The following ANPEP variants were observed in gnomAD, a reference collection of about 807,000 sequenced individuals.
ANPEP encodes alanyl aminopeptidase, membrane.
ANPEP carries 70 observed loss-of-function variants against 114.6 expected under a neutral mutation model. The ratio of observed to expected loss-of-function variants is 0.61; its 90% CI spans 0.50 to 0.75. The LOEUF (loss-of-function observed/expected upper bound fraction) is 0.75. Among genes scored for constraint, ANPEP ranks in the 30% least tolerant of loss-of-function variants. The probability of loss-of-function intolerance (pLI) is 0.00; values close to 1 mark genes in which losing one functional copy is unlikely to be tolerated. For synonymous variants in ANPEP, 548 were observed against 522.3 expected, an observed-to-expected ratio of 1.05 and a Z score of -0.67; for missense variants, 1,184 against 1,259.5, an observed-to-expected ratio of 0.94 and a Z score of 0.91.
At chr15:89,792,603 T>TCCAG (rs769096484) in intron 16 of ANPEP, 41 bp from the exon 17 acceptor site, 127 of 1,564,178 alleles carry the variant, frequency 8.1e-5, no homozygotes, top group Non-Finnish European at 1.1e-4. Flanking sequence ...CCTGGCGAAC[T>TCCAG]CCAGCCAAGA....
chr15:89,786,385 A>ACTTT (rs1968507271), intron 20 of ANPEP, among the ~76,000 whole-genome samples: 1 of 86,466 alleles, frequency 1.2e-5, no homozygotes, highest in African/African-American at 7.6e-5. Flanking sequence ...AATTTTAACT[A>ACTTT]CTTTTTTTTT....
Position 89,785,452 on chromosome 15 carries a change from G to C in ANPEP, c.2801C>G (p.Thr934Ser). The C allele has an allele frequency of 6.2e-7, 1 of 1,614,110 alleles. No individual in the cohort carries two copies. ...CTCCAGGGCTTGCTCCAGGGCCCGG[G>C]TGCCTGAGCCGAAGCCTGTTTCCTC... is the stretch of plus-strand genomic sequence containing the variant. ...DNEETGFGSG[T>S]RALEQALEKT... The change falls in exon 21 of 21, where the codon ACC (threonine) becomes AGC (serine). Residue 934 changes from threonine (T) to serine (S), a missense_variant. By Grantham distance (58) the Thr-to-Ser change is moderately conservative. Transcript: ENST00000300060.
rs755720296 is a variant in ANPEP, at chr15:89,806,401, C to CGAGGCGGGGTTGGTGGTGGCT, written c.162_182dup (p.Asn58_Thr64dup). ...CTTTACTTTGGTCCAAGGTGGTGGC[C>CGAGGCGGGGTTGGTGGTGGCT]GAGGCGGGGTTGGTGGTGGCTGAGG... is the stretch of plus-strand genomic sequence containing the variant. On this transcript the variant is annotated inframe_insertion, in exon 2 of 21. Coordinates refer to ENST00000300060, the MANE Select transcript of ANPEP (RefSeq NM_001150.3). This position sits in a 1 kb window ranked among gnomAD's most constrained non-coding sequence, Gnocchi z 5.7. 8.7e-6 allele frequency: 14 copies of CGAGGCGGGGTTGGTGGTGGCT among 1,613,956 alleles called. No homozygotes were observed. Among genetic ancestry groups the CGAGGCGGGGTTGGTGGTGGCT allele is most frequent in the East Asian group, 2.2e-5 (1 of 44,882 alleles).
At position 89,785,146 on chromosome 15, in the gene ANPEP, C is replaced by A; in HGVS notation, c.*203G>T. The A allele has an allele frequency of 1.6e-6, 1 of 635,470 alleles. No homozygotes were observed. The highest frequency in any genetic ancestry group is 2.6e-6 in the Non-Finnish European group (1 of 379,342). The allele number at this position is 635,470 out of a possible 1,614,324, so 39.4% of individuals were successfully genotyped here. ...CCTAGGGCGGGGTTGGCATGAGGGG[C>A]AGGGGCTGGGAGGTGCTCAGGCAGC... On this transcript the variant is annotated 3_prime_UTR_variant, in exon 21 of 21. Transcript: ENST00000300060.
Position 89,790,990 on chromosome 15 carries a change from C to T in ANPEP, c.2632G>A (p.Asp878Asn), listed in dbSNP as rs1353143276. Residue 878 changes from aspartate to asparagine, a missense_variant, in exon 19 of 21, where the codon GAC becomes AAC. Asp to Asn is a conservative substitution (Grantham distance 23). Transcript: ENST00000300060. The stretch of plus-strand genomic sequence containing the variant: ...TTCTTCCAGTTGCTCTGGACAAAGT[C>T]CCAGACCAGACCTTGCCCAATGACG... ...NNVIGQGLVWDFVQSNWKKLF... is the reference protein window; with the variant it reads ...NNVIGQGLVWNFVQSNWKKLF... 7.4e-6 allele frequency: 12 copies of T among 1,614,196 alleles called. No homozygotes were observed. The highest frequency in any genetic ancestry group is 1.7e-5 in the Admixed American group (1 of 60,020).
At chr15:89,814,310 G>A (rs1226229474) in intron 1 of ANPEP, among the ~76,000 whole-genome samples, 1 of 152,192 alleles carries the variant, frequency 6.6e-6, no homozygotes, top group Admixed American at 6.5e-5. Context: ...GTTAAAGAAA[G>A]GGCCTCTGAG....
At position 89,804,486 on chromosome 15, in the gene ANPEP, C is replaced by A; in HGVS notation, c.1024+5G>T. On this transcript the variant is annotated splice_donor_5th_base_variant and intron_variant, in intron 5 of 20. Coordinates refer to ENST00000300060, the MANE Select transcript of ANPEP (RefSeq NM_001150.3). ...CTGCCTCCCTCCTCAAGGACCCCCACTCACCTGATTTTGGGAGTGGGTAGG... is the reference window on the plus strand; with the variant it reads ...CTGCCTCCCTCCTCAAGGACCCCCAATCACCTGATTTTGGGAGTGGGTAGG... 1 of 1,614,210 alleles carries A rather than the reference C, an allele frequency of 6.2e-7. No individual in the cohort carries two copies. The highest frequency in any genetic ancestry group is 8.5e-7 in the Non-Finnish European group (1 of 1,180,018).
At chr15:89,786,477 A>G (rs1043274256) in intron 20 of ANPEP, among the ~76,000 whole-genome samples, 2 of 150,974 alleles carry the variant, frequency 1.3e-5, no homozygotes, top group African/African-American at 4.9e-5. Flanking sequence ...ACAATATTGA[A>G]AAAGAACACA....
At chr15:89,810,059 T>C (rs559860663) in intron 1 of ANPEP, among the ~76,000 whole-genome samples, 10 of 152,216 alleles carry the variant, frequency 6.6e-5, no homozygotes, top group Non-Finnish European at 1.3e-4. Flanking sequence ...CAGTCTCCAG[T>C]TCCCACCTCT....
At chr15:89,800,878 A>G (rs1429662718) in intron 12 of ANPEP, among the ~76,000 whole-genome samples, 1 of 152,192 alleles carries the variant, frequency 6.6e-6, no homozygotes, top group Non-Finnish European at 1.5e-5. Flanking sequence ...TAATCCTCAC[A>G]TAACTAATGG....
At chr15:89,808,327 C>T (rs1407674192) in intron 1 of ANPEP, among the ~76,000 whole-genome samples, 1 of 152,232 alleles carries the variant, frequency 6.6e-6, no homozygotes, top group Non-Finnish European at 1.5e-5. Flanking sequence ...CTCCTATGAG[C>T]TCCATTAGCT....
intron 1 of ANPEP, among the ~76,000 whole-genome samples, chr15:89,809,232 G>T (rs1359613567): frequency 1.3e-5 from 2 of 152,114 alleles, no homozygotes; most frequent in African/African-American, 4.8e-5. Context: ...GCTGGCACTG[G>T]GGCACCATGC....
intron 20 of ANPEP, among the ~76,000 whole-genome samples, chr15:89,787,918 T>C (rs1000645948): frequency 6.6e-6 from 1 of 152,154 alleles, no homozygotes; most frequent in African/African-American, 2.4e-5. Flanking sequence ...GAGATATAAC[T>C]GAAAACCATA....
intron 20 of ANPEP, among the ~76,000 whole-genome samples, chr15:89,786,768 C>T (rs1325712216): frequency 1.3e-5 from 2 of 150,910 alleles, no homozygotes; most frequent in East Asian, 1.9e-4. Context: ...GTAATCAGGA[C>T]AGTATGGTAC....
intron 1 of ANPEP, among the ~76,000 whole-genome samples, chr15:89,808,582 CCT>C (rs1339221419): frequency 1.3e-5 from 2 of 152,214 alleles, no homozygotes; most frequent in Admixed American, 6.5e-5. Context: ...GTCTTTCTGG[CCT>C]CTGTCTCCCA....
intron 19 of ANPEP, 28 bp downstream of exon 19, chr15:89,790,925 G>C: frequency 6.2e-7 from 1 of 1,610,710 alleles, no homozygotes. Context: ...GGCGCTCGCT[G>C]TCCCTGACAC....
At chr15:89,794,408 T>C (rs6496605) in intron 15 of ANPEP, among the ~76,000 whole-genome samples, 87,660 of 151,962 alleles carry the variant, frequency 0.58, 28,280 homozygotes, top group African/African-American at 0.87. Context: ...CGCTTGAATC[T>C]GGGAGGTGGA....
chr15:89,810,052 T>G (rs1157212313), intron 1 of ANPEP, among the ~76,000 whole-genome samples: 1 of 151,992 alleles, frequency 6.6e-6, no homozygotes, highest in Non-Finnish European at 1.5e-5. Context: ...GCTTCCCCAG[T>G]CTCCAGTTCC....
chr15:89,803,453 GC>G lies in ANPEP; in HGVS notation c.1491del (p.Lys497AsnfsTer19). The G allele has an allele frequency of 6.2e-7, 1 of 1,605,488 alleles. No individual in the cohort carries two copies. The highest frequency in any genetic ancestry group is 8.5e-7 in the Non-Finnish European group (1 of 1,176,162). On this transcript the variant is annotated frameshift_variant, in exon 9 of 21. Transcript: ENST00000300060. LOFTEE classifies it high-confidence loss of function. The surrounding 1 kb of genome is among the most constrained non-coding windows in gnomAD (Gnocchi z 4.2). ...LSSFLSEDVF[K>X]QGLASYLHTF... ...GGTGCAGTACTCACCGCCAGGCCCT[GC>G]TTGAATACGTCCTCGGACAGGAAGC...
Sources: allele counts gnomAD v4.1 joint callset (sites outside exome capture counted in the v4.1 genomes callset), GRCh38; gene constraint gnomAD v4.1.1; non-coding constraint Gnocchi (gnomAD v3.1); transcripts MANE v1.5; gene names NCBI Gene and HGNC (gene_info 2026-07-23, HGNC 2026-07-21).